DNAJA4: variants seen among roughly 807,000 people sequenced by gnomAD.
The protein encoded by DNAJA4 is dnaJ homolog subfamily A member 4.
Under a neutral mutation model 39.7 loss-of-function variants are expected in DNAJA4, and 32 were observed. The observed-to-expected ratio is 0.81, with a 90% CI of 0.61 to 1.08. DNAJA4 has a LOEUF of 1.08. Among genes scored for constraint, DNAJA4 ranks in the 50% least tolerant of loss-of-function variants. The probability of loss-of-function intolerance (pLI) is 0.00; values close to 1 mark genes in which losing one functional copy is unlikely to be tolerated. For missense variants in DNAJA4, 439 were observed against 505.1 expected (o/e 0.87, Z 1.25); for synonymous variants, 184 against 182.4 (o/e 1.01, Z -0.07).
chr15:78,280,603 T>C lies in DNAJA4; in HGVS notation c.*143T>C, dbSNP rs1438758715. The C allele has an allele frequency of 1.4e-5, 10 of 690,436 alleles. No individual in the cohort carries two copies. In the East Asian group the frequency reaches 2.8e-4, roughly 19 times the overall value. 42.8% of individuals were successfully genotyped at this position (690,436 alleles called of 1,614,324 possible). A position where few individuals can be genotyped will look rare whatever the true frequency, so the allele number is the denominator to read the frequency against. ...GCATTCTTAATTGCTGAGTGTCTTT[T>C]TGGCTTTTCTTTTGGTTGTAACTTA... On this transcript the variant is annotated 3_prime_UTR_variant, in exon 7 of 7. Transcript: ENST00000394852.
chr15:78,264,521 C>A, upstream of DNAJA4: 1 of 1,233,724 alleles, frequency 8.1e-7, no homozygotes, highest in South Asian at 3.6e-5. Context: ...AAGCTTCCGC[C>A]GGCGCCGAAT....
At chr15:78,274,115 C>T in intron 3 of DNAJA4, 82 bp from the exon 4 acceptor site, 2 of 1,389,410 alleles carry the variant, frequency 1.4e-6, no homozygotes. Flanking sequence ...TGAGGGTTCC[C>T]TACCCTTCTG....
intron 2 of DNAJA4, 103 bp downstream of exon 2, chr15:78,270,780 A>ATATGAT: frequency 7.8e-7 from 1 of 1,287,364 alleles, no homozygotes; most frequent in South Asian, 1.6e-5. Context: ...TGATTGGGCC[A>ATATGAT]GGCGCGGTGG....
In DNAJA4 at chr15:78,280,913, T is replaced by G. The variant is rs1192799747; in HGVS notation, c.*453T>G. 1 of 163,088 alleles carries G rather than the reference T, an allele frequency of 6.1e-6. No homozygotes were observed. Among genetic ancestry groups the G allele is most frequent in the African/African-American group, 2.4e-5 (1 of 41,524 alleles). 10.1% of individuals were successfully genotyped at this position (163,088 alleles called of 1,614,324 possible). The stretch of plus-strand genomic sequence containing the variant: ...TCCCTTGGCAGAGTTATTGAGGGCA[T>G]GATCTCAGGGCTGCTAAGATAACAT... On this transcript the variant is annotated 3_prime_UTR_variant, in exon 7 of 7. Transcript: ENST00000394852.
rs867237095 is a variant in DNAJA4, at chr15:78,278,151, C to T, written c.878-1894C>T. 1.1e-5 allele frequency: 5 copies of T among 456,050 alleles called. No individual in the cohort carries two copies. In the Admixed American group the frequency reaches 1.2e-4, roughly 11 times the overall value. 28.3% of individuals were successfully genotyped at this position (456,050 alleles called of 1,614,324 possible). ...GCCACACAAGGGTGTGATGGCCCTGCCTGCAGGCAGGTATTTACCTGCCGG... is the reference window on the plus strand; with the variant it reads ...GCCACACAAGGGTGTGATGGCCCTGTCTGCAGGCAGGTATTTACCTGCCGG... On this transcript the variant is annotated intron_variant, in intron 5 of 6. Transcript: ENST00000394852.
At chr15:78,276,026 ACT>A (rs2049446963) in intron 5 of DNAJA4, among the ~76,000 whole-genome samples, 2 of 152,160 alleles carry the variant, frequency 1.3e-5, no homozygotes, top group Non-Finnish European at 2.9e-5. Context: ...GTCCCTAATA[ACT>A]CTGGATAATT....
chr15:78,265,663 T>C, intron 1 of DNAJA4: 2 of 702,346 alleles, frequency 2.8e-6, no homozygotes, highest in Non-Finnish European at 5.2e-6. Context: ...CTAAAGAGGC[T>C]CATGACCCAC....
At chr15:78,269,006 G>A (rs926036275) in intron 1 of DNAJA4, among the ~76,000 whole-genome samples, 3 of 152,148 alleles carry the variant, frequency 2.0e-5, no homozygotes, top group South Asian at 2.1e-4. Context: ...GAGATGAGTC[G>A]GGAGGCCGCA....
chr15:78,267,195 T>TGTGTGA (rs1158708045), intron 1 of DNAJA4, among the ~76,000 whole-genome samples: 2 of 151,908 alleles, frequency 1.3e-5, no homozygotes, highest in African/African-American at 4.8e-5. Flanking sequence ...TGTGTGTGAG[T>TGTGTGA]GTGTATGTGA....
intron 2 of DNAJA4, among the ~76,000 whole-genome samples, chr15:78,271,618 C>G (rs2049300447): frequency 6.6e-6 from 1 of 152,138 alleles, no homozygotes; most frequent in Non-Finnish European, 1.5e-5. Flanking sequence ...ACTTCTTAGC[C>G]CTTAGCTCAA....
chr15:78,280,170 A>G lies in DNAJA4; in HGVS notation c.978+25A>G, dbSNP rs376841411. 37 of 1,612,300 alleles carry G rather than the reference A, an allele frequency of 2.3e-5. No homozygotes were observed. In the East Asian group the frequency reaches 4.2e-4, roughly 18 times the overall value. The stretch of plus-strand genomic sequence containing the variant: ...AGTAAGTTCACTATGTTTCATTGTC[A>G]TGGACATATTATTAAATGCCTTAAT... On this transcript the variant is annotated intron_variant, in intron 6 of 6. Transcript: ENST00000394852.
chr15:78,280,315 G>A lies in DNAJA4; in HGVS notation c.1049G>A (p.Arg350Gln), dbSNP rs200494161. The change falls in exon 7 of 7, where the codon CGA becomes CAA. Residue 350 changes from arginine to glutamine, a missense_variant. Arg to Gln is a conservative substitution (Grantham distance 43, BLOSUM62 1). Coordinates refer to ENST00000394852, the MANE Select transcript of DNAJA4 (RefSeq NM_001130182.2). The stretch of plus-strand genomic sequence containing the variant: ...CAGCTGGAAGCTTTACTCCCTCCTC[G>A]ACAGAAAGTGAGGATTACAGATGAC... ...LPQLEALLPP[R>Q]QKVRITDDMD... is the part of the protein sequence containing the mutation. The A allele has an allele frequency of 3.7e-6, 6 of 1,614,136 alleles. No homozygotes were observed. Among genetic ancestry groups the A allele is most frequent in the Non-Finnish European group, 5.1e-6 (6 of 1,180,022 alleles).
chr15:78,275,263 G>A, intron 4 of DNAJA4: 1 of 530,476 alleles, frequency 1.9e-6, no homozygotes, highest in Non-Finnish European at 3.4e-6. Flanking sequence ...GGGATGTAGA[G>A]CCGCATTCCC....
At position 78,279,324 on chromosome 15, in the gene DNAJA4, T is replaced by A. The variant is rs1403110313; in HGVS notation, c.878-721T>A. ...TCGCTGAGCTGAAGAGCATGCTTTA[T>A]CAGAAACCCTTTTGTCCCTTTCCTT... On this transcript the variant is annotated intron_variant, in intron 5 of 6. Transcript: ENST00000394852. This position sits in a 1 kb window ranked among gnomAD's most constrained non-coding sequence, Gnocchi z 4.5. 4 of 152,312 alleles carry A rather than the reference T, an allele frequency of 2.6e-5. No homozygotes were observed. Among genetic ancestry groups the A allele is most frequent in the African/African-American group, 9.6e-5 (4 of 41,452 alleles). 9.4% of individuals were successfully genotyped at this position (152,312 alleles called of 1,614,324 possible).
chr15:78,275,940 T>G (rs189185776), intron 5 of DNAJA4, among the ~76,000 whole-genome samples: 3 of 152,364 alleles, frequency 2.0e-5, no homozygotes, highest in Non-Finnish European at 4.4e-5. Context: ...TTGGGAATAG[T>G]TCCCCTGATT....
At chr15:78,269,404 T>C (rs1444019293) in intron 1 of DNAJA4, among the ~76,000 whole-genome samples, 1 of 152,204 alleles carries the variant, frequency 6.6e-6, no homozygotes, top group East Asian at 1.9e-4. Context: ...TTTAAAAATG[T>C]CCATATACCT....
intron 1 of DNAJA4, chr15:78,265,441 G>A: frequency 2.9e-6 from 2 of 701,554 alleles, no homozygotes; most frequent in Non-Finnish European, 5.2e-6. Context: ...CCTGATAAAA[G>A]CGTCAGATAG....
intron 1 of DNAJA4, among the ~76,000 whole-genome samples, chr15:78,267,160 ATGTGAGTGTGTGAGTG>A (rs140986262): frequency 3.8e-5 from 5 of 131,162 alleles, no homozygotes; most frequent in Non-Finnish European, 6.3e-5. Context: ...GTGAGTGTGT[ATGTGAGTGTGTGAGTG>A]TGTGAGTGTG....
In DNAJA4 at chr15:78,279,513, A is replaced by G. The variant is rs1477246480; in HGVS notation, c.878-532A>G. The G allele has an allele frequency of 1.2e-5, 2 of 161,602 alleles. No individual in the cohort carries two copies. Among genetic ancestry groups the G allele is most frequent in the Non-Finnish European group, 2.7e-5 (2 of 72,730 alleles). The allele number at this position is 161,602 out of a possible 1,614,324, so 10.0% of individuals were successfully genotyped here. A position where few individuals can be genotyped will look rare whatever the true frequency, so the allele number is the denominator to read the frequency against. ...GCATGTATGGAAGTGCATTGTGACCATGAAGGAGTCTGCCAGTGGCCAAGC... is the reference window on the plus strand; with the variant it reads ...GCATGTATGGAAGTGCATTGTGACCGTGAAGGAGTCTGCCAGTGGCCAAGC... On this transcript the variant is annotated intron_variant, in intron 5 of 6. Coordinates refer to ENST00000394852, the MANE Select transcript of DNAJA4 (RefSeq NM_001130182.2). The surrounding 1 kb of genome is among the most constrained non-coding windows in gnomAD (Gnocchi z 4.5).
Sources: gnomAD v4.1 joint callset for allele counts (sites outside exome capture counted in the v4.1 genomes callset) on GRCh38, gnomAD v4.1.1 for gene constraint, Gnocchi (gnomAD v3.1) non-coding constraint, MANE v1.5 for transcripts, NCBI Gene and HGNC (gene_info 2026-07-23, HGNC 2026-07-21) for gene names.